CECR2: variants seen among roughly 807,000 people sequenced by gnomAD.
CECR2 encodes CECR2 histone acetyl-lysine reader, also known as chromatin remodeling regulator CECR2.
CECR2 carries 30 observed loss-of-function variants against 154.5 expected under a neutral mutation model. That is an observed-to-expected ratio of 0.19 (90% CI 0.15 to 0.26). The LOEUF is 0.26. Among genes scored for constraint, CECR2 ranks in the 10% least tolerant of loss-of-function variants. The probability of loss-of-function intolerance (pLI) is 1.00; values close to 1 mark genes in which losing one functional copy is unlikely to be tolerated. For missense variants in CECR2, 1,743 were observed against 1,829.3 expected, an observed-to-expected ratio of 0.95 and a Z score of 0.86; for synonymous variants, 725 against 683.7, an observed-to-expected ratio of 1.06 and a Z score of -0.94.
rs531847318 is a variant in CECR2, at chr22:17,519,390, G to A, written c.955-4728G>A. ...TACTGCAACCTCTGCCTCCCGAGTA[G>A]CTGGGACTACAGGCGCCCGCCACCA... On this transcript the variant is annotated intron_variant, in intron 8 of 18. Coordinates refer to ENST00000262608, the MANE Select transcript of CECR2 (RefSeq NM_001290047.2). 1.7e-3 allele frequency among the ~76,000 whole-genome samples: 259 copies of A among 151,300 alleles called. 1 individual carries two copies. The highest frequency in any genetic ancestry group is 1.4e-3 in the Non-Finnish European group (96 of 67,870).
In CECR2 at chr22:17,373,821, T is replaced by C. The variant is rs149836419; in HGVS notation, c.126+3912T>C. 4.0e-3 allele frequency among the ~76,000 whole-genome samples: 610 copies of C among 152,328 alleles called. 4 individuals carry two copies. The highest frequency in any genetic ancestry group is 0.014 in the African/African-American group (572 of 41,562). On this transcript the variant is annotated intron_variant, in intron 1 of 18. Transcript: ENST00000262608. ...TGGCCTCCTTTGCCTCAGAAGATTA[T>C]CTGTTAATATTTCAGAACCAGCAAT...
intron 8 of CECR2, among the ~76,000 whole-genome samples, chr22:17,523,301 T>G (rs773776950): frequency 6.6e-6 from 1 of 151,454 alleles, no homozygotes. Flanking sequence ...AGAGAATCAC[T>G]TGAACTGGGA....
At position 17,497,448 on chromosome 22, in the gene CECR2, C is replaced by T; in HGVS notation, c.267C>T (p.Arg89=). 6.2e-7 allele frequency: 1 copy of T among 1,613,954 alleles called. No individual in the cohort carries two copies. The highest frequency in any genetic ancestry group is 8.5e-7 in the Non-Finnish European group (1 of 1,179,880). The change falls in exon 3 of 19, where the codon CGC becomes CGT. Residue 89 remains arginine, a synonymous_variant. Transcript: ENST00000262608. ...ACCTAGAGGACATCATCAACTACCG[C>T]TGGGAGCTCGAAGAAGGGAAGCCCA... The part of the protein sequence containing the change: ...HSYLEDIINY[R]WELEEGKPNP...
chr22:17,531,961 G>T (rs188962301), intron 9 of CECR2, among the ~76,000 whole-genome samples: 32 of 152,262 alleles, frequency 2.1e-4, no homozygotes, highest in Admixed American at 7.2e-4. Context: ...TTGAGTCCTG[G>T]AGTTCAAGAC....
At chr22:17,474,045 TAC>T (rs1344349227) in intron 1 of CECR2, among the ~76,000 whole-genome samples, 2 of 152,092 alleles carry the variant, frequency 1.3e-5, no homozygotes, top group Non-Finnish European at 2.9e-5. Context: ...ATCCATTTGG[TAC>T]TAACTGGGGG....
chr22:17,511,920 G>A, intron 8 of CECR2, 24 bp downstream of exon 8: 2 of 1,551,256 alleles, frequency 1.3e-6, no homozygotes, highest in South Asian at 1.2e-5. Flanking sequence ...AGAGTAGCGA[G>A]GAGGAGCTTT....
chr22:17,548,532 C>T lies in CECR2; in HGVS notation c.3245C>T (p.Pro1082Leu). 1 of 1,613,678 alleles carries T rather than the reference C, an allele frequency of 6.2e-7. No individual in the cohort carries two copies. Among genetic ancestry groups the T allele is most frequent in the Non-Finnish European group, 8.5e-7 (1 of 1,179,786 alleles). ...GSSGSEKLLC[P>L]RGRTLQETMP... ...AGTGGTTCCGAAAAGCTGCTCTGCC[C>T]CAGAGGCAGAACGTTGCAGGAAACC... Residue 1082 changes from proline (P) to leucine (L), a missense_variant, in exon 17 of 19, where the codon CCC (proline) becomes CTC (leucine). By Grantham distance (98) the Pro-to-Leu change is moderately conservative. Transcript: ENST00000262608.
upstream of CECR2, among the ~76,000 whole-genome samples, chr22:17,365,250 G>T (rs187748837): frequency 6.6e-6 from 1 of 152,040 alleles, no homozygotes; most frequent in Non-Finnish European, 1.5e-5. Context: ...AAAAAGATTT[G>T]GATGCTTGTC....
In CECR2 at chr22:17,386,089, G is replaced by A. The variant is rs566251878; in HGVS notation, c.126+16180G>A. Among the ~76,000 whole-genome samples, 18 of 152,310 alleles carry A rather than the reference G, an allele frequency of 1.2e-4. 1 individual carries two copies. In the East Asian group the frequency reaches 1.5e-3, roughly 13 times the overall value. ...GGTAGGTGTCATTGAGCCCTCATACGGTGGTACCACTCATGGTCACAGGAC... is the reference window on the plus strand; with the variant it reads ...GGTAGGTGTCATTGAGCCCTCATACAGTGGTACCACTCATGGTCACAGGAC... On this transcript the variant is annotated intron_variant, in intron 1 of 18. Coordinates refer to ENST00000262608, the MANE Select transcript of CECR2 (RefSeq NM_001290047.2).
At chr22:17,491,582 T>A (rs1296747) in intron 2 of CECR2, among the ~76,000 whole-genome samples, 2 of 103,262 alleles carry the variant, frequency 1.9e-5, no homozygotes, top group South Asian at 3.1e-4. Context: ...TGTGTGTGTG[T>A]GGGGGGGTGG....
rs142836522 is a variant in CECR2, at chr22:17,360,650, C to T, written c.-364+627C>T. On this transcript the variant is annotated intron_variant, in intron 1 of 18. Transcript: ENST00000400585. ...CAAGATTGTGCCATTGCACTCCAGCCTGGGCAACAAAGCTAGACTCCATCT... is the reference window on the plus strand; with the variant it reads ...CAAGATTGTGCCATTGCACTCCAGCTTGGGCAACAAAGCTAGACTCCATCT... 7.7e-3 allele frequency among the ~76,000 whole-genome samples: 1,173 copies of T among 151,714 alleles called. 8 individuals are homozygous for T. The highest frequency in any genetic ancestry group is 0.01 in the Middle Eastern group (3 of 294).
At chr22:17,476,188 G>A (rs929461975) in intron 1 of CECR2, among the ~76,000 whole-genome samples, 2 of 150,002 alleles carry the variant, frequency 1.3e-5, no homozygotes, top group South Asian at 4.4e-4. Context: ...AAATCTCCCA[G>A]GCTTCCACAG....
intron 1 of CECR2, among the ~76,000 whole-genome samples, chr22:17,465,756 T>C (rs1056974317): frequency 2.6e-5 from 4 of 152,154 alleles, no homozygotes; most frequent in African/African-American, 9.7e-5. Context: ...GTGCCAGGAT[T>C]ACAGGCGTGA....
chr22:17,465,748 G>A (rs2055021787), intron 1 of CECR2, among the ~76,000 whole-genome samples: 1 of 152,124 alleles, frequency 6.6e-6, no homozygotes, highest in Non-Finnish European at 1.5e-5. Context: ...CTCCCAAAGT[G>A]CCAGGATTAC....
intron 1 of CECR2, among the ~76,000 whole-genome samples, chr22:17,449,204 A>G (rs986630163): frequency 2.0e-5 from 3 of 151,480 alleles, no homozygotes; most frequent in African/African-American, 7.3e-5. Flanking sequence ...TTAAATGATA[A>G]TGTTCTTTTT....
At chr22:17,546,600 A>G (rs972906478) in intron 16 of CECR2, among the ~76,000 whole-genome samples, 2 of 151,950 alleles carry the variant, frequency 1.3e-5, no homozygotes, top group African/African-American at 2.4e-5. Flanking sequence ...TGTACCATTG[A>G]CCTTTAGGGC....
At chr22:17,480,459 C>CACACACACACACACACAG (rs373106595) in intron 2 of CECR2, among the ~76,000 whole-genome samples, 210 of 143,818 alleles carry the variant, frequency 1.5e-3, no homozygotes, top group Admixed American at 3.2e-3. Flanking sequence ...CACACACACA[C>CACACACACACACACACAG]AGAGAAAAGT....
chr22:17,506,791 C>G (rs1387200957), intron 7 of CECR2, among the ~76,000 whole-genome samples: 1 of 152,098 alleles, frequency 6.6e-6, no homozygotes, highest in African/African-American at 2.4e-5. Flanking sequence ...GTAGCTGGGA[C>G]TATAGGCGTG....
At chr22:17,389,782 A>C (rs1348318094) in intron 1 of CECR2, among the ~76,000 whole-genome samples, 1 of 151,806 alleles carries the variant, frequency 6.6e-6, no homozygotes, top group Non-Finnish European at 1.5e-5. Context: ...CATGCGCCAC[A>C]ACGCCCGGCT....
Sources: allele counts gnomAD v4.1 joint callset (sites outside exome capture counted in the v4.1 genomes callset), GRCh38; gene constraint gnomAD v4.1.1; transcripts MANE v1.5; gene names NCBI Gene and HGNC (gene_info 2026-07-23, HGNC 2026-07-21).